The following LRRC4C variants were observed in gnomAD, a reference collection of about 807,000 sequenced individuals.
LRRC4C encodes the protein leucine-rich repeat-containing protein 4C.
Under a neutral mutation model 33.6 loss-of-function variants are expected in LRRC4C, and 5 were observed. The ratio of observed to expected loss-of-function variants is 0.15; its 90% CI spans 0.08 to 0.31. The LOEUF is 0.31. Among genes scored for constraint, LRRC4C ranks in the 10% least tolerant of loss-of-function variants. The pLI is 1.00. For missense variants in LRRC4C, 560 were observed against 796.7 expected, an observed-to-expected ratio of 0.70 and a Z score of 3.58; for synonymous variants, 329 against 302.0, an observed-to-expected ratio of 1.09 and a Z score of -0.93.
intron 3 of LRRC4C, among the ~76,000 whole-genome samples, chr11:40,595,794 C>A (rs536590900): frequency 6.6e-6 from 1 of 152,174 alleles, no homozygotes; most frequent in South Asian, 2.1e-4. Flanking sequence ...TTTCCCAAAA[C>A]TCAATTTCTT....
intron 1 of LRRC4C, among the ~76,000 whole-genome samples, chr11:40,934,418 G>A (rs777148650): frequency 6.6e-6 from 1 of 152,236 alleles, no homozygotes; most frequent in African/African-American, 2.4e-5. Context: ...GTGTGCACTC[G>A]TGTGTTTACT....
chr11:41,183,912 GTA>G (rs1945568634), intron 1 of LRRC4C, among the ~76,000 whole-genome samples: 1 of 152,164 alleles, frequency 6.6e-6, no homozygotes, highest in Admixed American at 6.5e-5. Flanking sequence ...CTTGACTTCT[GTA>G]TACCTGCAGG....
At position 41,408,753 on chromosome 11, in the gene LRRC4C, A is replaced by AAAAAAAAAAAAAC. The variant is rs1232795183; in HGVS notation, c.-496+50677_-496+50678insGTTTTTTTTTTTT. On this transcript the variant is annotated intron_variant, in intron 1 of 6. Coordinates refer to ENST00000528697, the MANE Select transcript of LRRC4C (RefSeq NM_001258419.2). ...TGAGAAAGGTATATTTTTGTAAAAA[A>AAAAAAAAAAAAAC]AAAAAAAAAAAAAACTGAGTCTCTC... 6.5e-4 allele frequency among the ~76,000 whole-genome samples: 97 copies of AAAAAAAAAAAAAC among 148,676 alleles called. 1 individual carries two copies. The highest frequency in any genetic ancestry group is 2.5e-3 in the African/African-American group (95 of 38,412).
intron 1 of LRRC4C, among the ~76,000 whole-genome samples, chr11:41,400,050 G>A (rs899163802): frequency 6.6e-6 from 1 of 151,880 alleles, no homozygotes; most frequent in Admixed American, 6.6e-5. Flanking sequence ...TCAATTTTGA[G>A]GAAAGTCTCA....
intron 1 of LRRC4C, among the ~76,000 whole-genome samples, chr11:40,990,273 A>ATATATG (rs1437531251): frequency 3.1e-5 from 4 of 127,452 alleles, no homozygotes; most frequent in Non-Finnish European, 6.7e-5. Context: ...ATATATATAT[A>ATATATG]TGAATATATG....
In LRRC4C at chr11:40,336,976, C is replaced by CAAAAAA. The variant is rs34144874; in HGVS notation, c.-269-17261_-269-17256dup. Among the ~76,000 whole-genome samples, 27 of 79,252 alleles carry CAAAAAA rather than the reference C, an allele frequency of 3.4e-4. 2 individuals carry two copies. The highest frequency in any genetic ancestry group is 1.2e-3 in the African/African-American group (15 of 12,834). 52.0% of individuals were successfully genotyped at this position (79,252 alleles called of 152,430 possible). A position where few individuals can be genotyped will look rare whatever the true frequency, so the allele number is the denominator to read the frequency against. On this transcript the variant is annotated intron_variant, in intron 3 of 6. Coordinates refer to ENST00000528697, the MANE Select transcript of LRRC4C (RefSeq NM_001258419.2). The stretch of plus-strand genomic sequence containing the variant: ...TGGGGGACAGAGCGAGACTTCGTCT[C>CAAAAAA]AAAAAAAAAAAAAAAAAAAAAAAAA...
intron 2 of LRRC4C, among the ~76,000 whole-genome samples, chr11:40,779,436 A>T (rs1164526344): frequency 6.6e-6 from 1 of 152,200 alleles, no homozygotes; most frequent in Non-Finnish European, 1.5e-5. Flanking sequence ...TACATAATAT[A>T]TTGATTAATT....
chr11:41,179,084 TAA>T (rs1265459144), intron 1 of LRRC4C, among the ~76,000 whole-genome samples: 2 of 151,966 alleles, frequency 1.3e-5, no homozygotes, highest in Middle Eastern at 3.2e-3. Context: ...GCAGCTAGAT[TAA>T]AAAGTGAATT....
intron 1 of LRRC4C, among the ~76,000 whole-genome samples, chr11:40,993,016 A>T (rs1364732441): frequency 6.6e-6 from 1 of 152,206 alleles, no homozygotes; most frequent in East Asian, 1.9e-4. Context: ...ACGATCCATG[A>T]CAAAGCTTGA....
intron 4 of LRRC4C, among the ~76,000 whole-genome samples, chr11:40,270,582 C>G (rs1384470357): frequency 6.6e-6 from 1 of 152,046 alleles, no homozygotes; most frequent in Non-Finnish European, 1.5e-5. Context: ...CCATAACACT[C>G]TCTTCTTCTT....
chr11:41,009,237 A>G (rs1271805277), intron 1 of LRRC4C, among the ~76,000 whole-genome samples: 1 of 151,920 alleles, frequency 6.6e-6, no homozygotes, highest in African/African-American at 2.4e-5. Flanking sequence ...TAAAACATAT[A>G]TATTTTGAAT....
chr11:40,983,347 C>T (rs943357811), intron 1 of LRRC4C, among the ~76,000 whole-genome samples: 1 of 152,072 alleles, frequency 6.6e-6, no homozygotes, highest in African/African-American at 2.4e-5. Context: ...TTCCTTACAT[C>T]ATGTACAAAA....
chr11:40,301,820 A>G (rs1181846569), intron 4 of LRRC4C, among the ~76,000 whole-genome samples: 1 of 152,196 alleles, frequency 6.6e-6, no homozygotes, highest in Non-Finnish European at 1.5e-5. Flanking sequence ...AATGTTAAAC[A>G]ATTTGCATTT....
chr11:41,062,533 T>G (rs2135373614), intron 1 of LRRC4C, among the ~76,000 whole-genome samples: 1 of 152,266 alleles, frequency 6.6e-6, no homozygotes, highest in South Asian at 2.1e-4. Context: ...AGTAAATATC[T>G]ATCTAATTAA....
intron 1 of LRRC4C, among the ~76,000 whole-genome samples, chr11:41,007,261 G>C (rs531533962): frequency 2.6e-5 from 4 of 151,450 alleles, no homozygotes; most frequent in African/African-American, 9.7e-5. Flanking sequence ...GGATAAACAG[G>C]CAGTTTAATT....
chr11:41,370,100 C>T (rs759475422), intron 1 of LRRC4C, among the ~76,000 whole-genome samples: 18 of 152,162 alleles, frequency 1.2e-4, no homozygotes, highest in Non-Finnish European at 2.6e-4. Flanking sequence ...ACGTGGCACA[C>T]TTCTTTATAC....
intron 3 of LRRC4C, among the ~76,000 whole-genome samples, chr11:40,470,389 A>G (rs1590839396): frequency 6.6e-6 from 1 of 152,254 alleles, no homozygotes; most frequent in African/African-American, 2.4e-5. Context: ...GGTCATCAAC[A>G]TCAAAGACCA....
At chr11:40,663,214 G>A (rs948118144) in intron 2 of LRRC4C, among the ~76,000 whole-genome samples, 76 of 152,092 alleles carry the variant, frequency 5.0e-4, no homozygotes, top group African/African-American at 1.6e-3. Context: ...CTGAGTAGCT[G>A]GGATTACAGG....
intron 1 of LRRC4C, among the ~76,000 whole-genome samples, chr11:41,319,742 G>C (rs1479746808): frequency 2.6e-5 from 4 of 151,928 alleles, no homozygotes; most frequent in African/African-American, 9.7e-5. Context: ...GTAAAGATGG[G>C]GTCTTCCTAT....
Sources: allele counts gnomAD v4.1 joint callset (sites outside exome capture counted in the v4.1 genomes callset), GRCh38; gene constraint gnomAD v4.1.1; transcripts MANE v1.5; gene names NCBI Gene and HGNC (gene_info 2026-07-23, HGNC 2026-07-21).